The following PCDHGB2 variants were observed in gnomAD, a reference collection of about 807,000 sequenced individuals.
PCDHGB2 encodes protocadherin gamma subfamily B, 2.
A neutral mutation model predicts 59.3 loss-of-function variants in PCDHGB2; 55 were observed. The observed-to-expected ratio is 0.93, with a 90% CI of 0.75 to 1.16. The LOEUF is 1.16. Among genes scored for constraint, PCDHGB2 ranks in the 50% most tolerant of loss-of-function variants. The pLI, the probability that PCDHGB2 is intolerant of heterozygous loss-of-function variation, is 0.00. For synonymous variants in PCDHGB2, 516 were observed against 512.0 expected (o/e 1.01, Z -0.11); for missense variants, 1,228 against 1,198.5 (o/e 1.02, Z -0.36).
At chr5:141,384,149 T>G (rs1361199282) in intron 1 of PCDHGB2, 1 of 1,613,252 alleles carries the variant, frequency 6.2e-7, no homozygotes, top group Non-Finnish European at 8.5e-7. Flanking sequence ...ACACTCTCTT[T>G]GTATAACATC....
intron 1 of PCDHGB2, chr5:141,370,437 C>T: frequency 1.2e-6 from 2 of 1,603,790 alleles, no homozygotes; most frequent in Non-Finnish European, 1.7e-6. Flanking sequence ...AGGGCAGAGG[C>T]GAATGCTATT....
chr5:141,360,214 G>A lies in PCDHGB2; in HGVS notation c.79G>A (p.Gly27Arg). The change falls in exon 1 of 4, where the codon GGG becomes AGG. Residue 27 changes from glycine (G) to arginine (R), a missense_variant. Coordinates refer to ENST00000522605, the MANE Select transcript of PCDHGB2 (RefSeq NM_018923.3). Reference protein sequence around the residue: ...LLPFLLSLFPGALPVQIRYSI... With the variant: ...LLPFLLSLFPRALPVQIRYSI... ...GCCCTTCCTGTTGTCTTTGTTCCCC[G>A]GGGCTCTCCCAGTCCAGATCCGCTA... 4.3e-6 allele frequency: 7 copies of A among 1,613,376 alleles called. No individual in the cohort carries two copies. The highest frequency in any genetic ancestry group is 5.9e-6 in the Non-Finnish European group (7 of 1,179,598).
At chr5:141,373,899 T>C in intron 1 of PCDHGB2, 1 of 545,494 alleles carries the variant, frequency 1.8e-6, no homozygotes. Flanking sequence ...TCAAGTTACA[T>C]CCTCCAACAA....
At chr5:141,426,013 T>C (rs2096909409) in intron 1 of PCDHGB2, among the ~76,000 whole-genome samples, 1 of 152,144 alleles carries the variant, frequency 6.6e-6, no homozygotes, top group Admixed American at 6.5e-5. Flanking sequence ...CCGGCTGCAG[T>C]TTTCTAAATA....
At chr5:141,374,384 C>T (rs781113576) in intron 1 of PCDHGB2, 4 of 1,613,962 alleles carry the variant, frequency 2.5e-6, no homozygotes, top group East Asian at 2.2e-5. Flanking sequence ...TCAGAGCCCG[C>T]GGTGTCTGGT....
At chr5:141,429,610 T>C (rs2097228693) in intron 1 of PCDHGB2, among the ~76,000 whole-genome samples, 2 of 152,230 alleles carry the variant, frequency 1.3e-5, no homozygotes, top group African/African-American at 4.8e-5. Flanking sequence ...AACTCAATTT[T>C]ATGTCTGATA....
rs754433753 is a variant in PCDHGB2 at position 141,399,914 on chromosome 5, A to G, written c.2421+37358A>G. On this transcript the variant is annotated intron_variant, in intron 1 of 3. Transcript: ENST00000522605. ...GTGGCCGTGGACGCAGACTCAGGACACAACGCCTGGCTGTCCTACCACGTG... is the reference window on the plus strand; with the variant it reads ...GTGGCCGTGGACGCAGACTCAGGACGCAACGCCTGGCTGTCCTACCACGTG... The G allele has an allele frequency of 2.7e-5, 44 of 1,612,236 alleles. No homozygotes were observed. In the Admixed American group the frequency reaches 7.3e-4, roughly 27 times the overall value.
intron 1 of PCDHGB2, among the ~76,000 whole-genome samples, chr5:141,363,627 C>T (rs1763008344): frequency 6.6e-6 from 1 of 152,226 alleles, no homozygotes; most frequent in Non-Finnish European, 1.5e-5. Flanking sequence ...GAGACTTTCT[C>T]AAAGTCCTCA....
rs1247091931 is a variant in PCDHGB2 at position 141,361,675 on chromosome 5, G to C, written c.1540G>C (p.Val514Leu). ...GTCCGTGAGCGCGCAGAGCGGGGTG[G>C]TGTTCGCGCAGCGCGCCTTCGATCA... ...YVSVSAQSGV[V>L]FAQRAFDHEQ... is the part of the protein sequence containing the mutation. Residue 514 changes from valine (V) to leucine (L), a missense_variant, in exon 1 of 4, where the codon GTG becomes CTG. Physicochemically the swap from Val to Leu is conservative, Grantham distance 32. Transcript: ENST00000522605. The C allele has an allele frequency of 1.2e-6, 2 of 1,613,636 alleles. No individual in the cohort carries two copies. The highest frequency in any genetic ancestry group is 1.6e-4 in the Middle Eastern group (1 of 6,062).
chr5:141,467,063 T>C (rs1405374001), intron 1 of PCDHGB2, among the ~76,000 whole-genome samples: 2 of 151,716 alleles, frequency 1.3e-5, no homozygotes, highest in African/African-American at 2.4e-5. Flanking sequence ...TTCTTTTTTT[T>C]TTTTTTTTAG....
At chr5:141,464,024 G>A (rs2099074308) in intron 1 of PCDHGB2, among the ~76,000 whole-genome samples, 1 of 151,996 alleles carries the variant, frequency 6.6e-6, no homozygotes, top group East Asian at 1.9e-4. Context: ...CCACACTTTG[G>A]GAGGCCAAGG....
At chr5:141,413,812 C>T in intron 1 of PCDHGB2, 2 of 1,613,144 alleles carry the variant, frequency 1.2e-6, no homozygotes, top group Non-Finnish European at 1.7e-6. Flanking sequence ...GGCCATTCAC[C>T]ACCTGGTCCT....
intron 1 of PCDHGB2, among the ~76,000 whole-genome samples, chr5:141,400,911 CAAAG>C (rs1162228499): frequency 6.6e-6 from 1 of 152,176 alleles, no homozygotes; most frequent in Non-Finnish European, 1.5e-5. Flanking sequence ...TCTTTTAAAG[CAAAG>C]AAACTGCTAG....
rs561569572 is a variant in PCDHGB2, at chr5:141,512,054, C to A, written c.*881C>A. 6.5e-6 allele frequency: 1 copy of A among 152,828 alleles called. No individual in the cohort carries two copies. The highest frequency in any genetic ancestry group is 1.9e-4 in the East Asian group (1 of 5,184). The allele number at this position is 152,828 out of a possible 1,614,324, so 9.5% of individuals were successfully genotyped here. On this transcript the variant is annotated 3_prime_UTR_variant, in exon 4 of 4. Coordinates refer to ENST00000522605, the MANE Select transcript of PCDHGB2 (RefSeq NM_018923.3). Reference sequence around the variant, plus strand: ...GGAGGCTCTGTATGTCCTCAGGGGACTGACAACATCCTCCAGATTCCAGCC... The same window carrying A: ...GGAGGCTCTGTATGTCCTCAGGGGAATGACAACATCCTCCAGATTCCAGCC...
intron 1 of PCDHGB2, among the ~76,000 whole-genome samples, chr5:141,455,425 A>G (rs2098822334): frequency 1.3e-5 from 2 of 152,168 alleles, no homozygotes; most frequent in African/African-American, 2.4e-5. Flanking sequence ...CGGGGCTCCA[A>G]AAGAGGAGGT....
intron 2 of PCDHGB2, among the ~76,000 whole-genome samples, chr5:141,501,333 A>ACACACC (rs1186649373): frequency 1.5e-4 from 21 of 140,134 alleles, no homozygotes; most frequent in African/African-American, 3.4e-4. Flanking sequence ...ACACACACAC[A>ACACACC]CCCCAAACTC....
Position 141,422,964 on chromosome 5 carries a change from G to C in PCDHGB2, c.2421+60408G>C, listed in dbSNP as rs375881737. 1.0e-4 allele frequency: 161 copies of C among 1,614,190 alleles called. No individual in the cohort carries two copies. In the African/African-American group the frequency reaches 1.9e-3, roughly 20 times the overall value. ...ACGGCTCCACTGGCGTGGAGCTGGC[G>C]CCCCGCTCTGCGGAACCTGGCTACC... On this transcript the variant is annotated intron_variant, in intron 1 of 3. Coordinates refer to ENST00000522605, the MANE Select transcript of PCDHGB2 (RefSeq NM_018923.3).
At chr5:141,394,379 T>C in intron 1 of PCDHGB2, 1 of 1,614,160 alleles carries the variant, frequency 6.2e-7, no homozygotes, top group Non-Finnish European at 8.5e-7. Context: ...CTTTCGACTA[T>C]GAGCAGATCC....
At position 141,490,219 on chromosome 5, in the gene PCDHGB2, C is replaced by T. The variant is rs771985398; in HGVS notation, c.2422-4588C>T. 2.5e-5 allele frequency: 41 copies of T among 1,614,094 alleles called. No individual in the cohort carries two copies. The highest frequency in any genetic ancestry group is 3.3e-5 in the Non-Finnish European group (39 of 1,180,038). On this transcript the variant is annotated intron_variant, in intron 1 of 3. Coordinates refer to ENST00000522605, the MANE Select transcript of PCDHGB2 (RefSeq NM_018923.3). This position sits in a 1 kb window ranked among gnomAD's most constrained non-coding sequence, Gnocchi z 5.4. ...TCATGCAAGAGCCCGTGACCAGGGA[C>T]AGCCTGCCATGGAGGGCCACTGTGT... is the stretch of plus-strand genomic sequence containing the variant.
Sources: allele counts gnomAD v4.1 joint callset (sites outside exome capture counted in the v4.1 genomes callset), GRCh38; gene constraint gnomAD v4.1.1; non-coding constraint Gnocchi (gnomAD v3.1); transcripts MANE v1.5; gene names NCBI Gene and HGNC (gene_info 2026-07-23, HGNC 2026-07-21).